ERC2: variants seen among roughly 807,000 people sequenced by gnomAD.
The protein encoded by ERC2 is ERC protein 2.
In ERC2, 42 loss-of-function variants were observed where a neutral mutation model predicts 114.8. That is an observed-to-expected ratio of 0.37 (90% CI 0.29 to 0.47). The LOEUF (loss-of-function observed/expected upper bound fraction) is 0.47. ERC2 is among the 20% of genes least tolerant of loss of function. The probability of loss-of-function intolerance (pLI) is 0.99; values close to 1 mark genes in which losing one functional copy is unlikely to be tolerated. For missense variants in ERC2, 939 were observed against 1,150.7 expected (o/e 0.82, Z 2.66); for synonymous variants, 454 against 425.5 (o/e 1.07, Z -0.82).
chr3:55,929,664 T>G (rs997356463), intron 13 of ERC2, among the ~76,000 whole-genome samples: 8 of 152,176 alleles, frequency 5.3e-5, no homozygotes, highest in Non-Finnish European at 1.0e-4. Flanking sequence ...CTGACTGTAA[T>G]CCCCAGTGTT....
chr3:55,975,236 G>C (rs939550799), intron 12 of ERC2, among the ~76,000 whole-genome samples: 1 of 151,896 alleles, frequency 6.6e-6, no homozygotes, highest in African/African-American at 2.4e-5. Context: ...CATAGGACCA[G>C]GGCTAACAGC....
At chr3:55,550,110 G>A (rs1258974479) in intron 17 of ERC2, among the ~76,000 whole-genome samples, 2 of 152,040 alleles carry the variant, frequency 1.3e-5, no homozygotes, top group Non-Finnish European at 2.9e-5. Context: ...CCTTCCCTGG[G>A]CTCATGCTCC....
chr3:56,207,494 C>A lies in ERC2; in HGVS notation c.1075-33974G>T, dbSNP rs116281596. Among the ~76,000 whole-genome samples, 393 of 152,132 alleles carry A rather than the reference C, an allele frequency of 2.6e-3. 1 individual carries two copies. The highest frequency in any genetic ancestry group is 0.018 in the South Asian group (87 of 4,816). On this transcript the variant is annotated intron_variant, in intron 3 of 17. Coordinates refer to ENST00000288221, the MANE Select transcript of ERC2 (RefSeq NM_015576.3). Reference sequence around the variant, plus strand: ...GCTTAGTTCTGCCTCTTTCATTTAGCATCATATATTGAGATATTTCCCATT... The same window carrying A: ...GCTTAGTTCTGCCTCTTTCATTTAGAATCATATATTGAGATATTTCCCATT...
intron 2 of ERC2, among the ~76,000 whole-genome samples, chr3:56,327,003 A>G (rs951123938): frequency 5.9e-5 from 9 of 152,196 alleles, no homozygotes; most frequent in Non-Finnish European, 1.3e-4. Flanking sequence ...ATGTTCCATG[A>G]TGCCTGCCTG....
chr3:55,812,122 T>C (rs1375318658), intron 14 of ERC2, among the ~76,000 whole-genome samples: 2 of 152,236 alleles, frequency 1.3e-5, no homozygotes, highest in Admixed American at 1.3e-4. Flanking sequence ...TTTGGTTTTC[T>C]GTTTCTGAGT....
chr3:55,598,237 A>C (rs2058241610), intron 17 of ERC2, among the ~76,000 whole-genome samples: 1 of 152,258 alleles, frequency 6.6e-6, no homozygotes, highest in South Asian at 2.1e-4. Flanking sequence ...TAATAACTGC[A>C]TGTCTGCATA....
At chr3:56,219,169 A>T (rs1274457365) in intron 3 of ERC2, among the ~76,000 whole-genome samples, 1 of 152,154 alleles carries the variant, frequency 6.6e-6, no homozygotes, top group Admixed American at 6.5e-5. Flanking sequence ...AAGACTACAC[A>T]TTGGGTACCG....
At chr3:56,462,969 C>T (rs1336853316) in intron 1 of ERC2, among the ~76,000 whole-genome samples, 1 of 152,088 alleles carries the variant, frequency 6.6e-6, no homozygotes, top group Non-Finnish European at 1.5e-5. Context: ...GCTCACACCT[C>T]TAATCCCAGC....
intron 11 of ERC2, among the ~76,000 whole-genome samples, chr3:55,986,381 C>T (rs2070635970): frequency 6.6e-6 from 1 of 152,198 alleles, no homozygotes; most frequent in South Asian, 2.1e-4. Flanking sequence ...GAAATGGAAA[C>T]TACTAAGGTA....
chr3:56,152,114 A>C (rs774025597), intron 4 of ERC2, among the ~76,000 whole-genome samples: 3 of 152,176 alleles, frequency 2.0e-5, no homozygotes, highest in Non-Finnish European at 2.9e-5. Context: ...CTTTTCCCAA[A>C]GTTCACAGAA....
intron 2 of ERC2, among the ~76,000 whole-genome samples, chr3:56,327,427 C>T (rs924608747): frequency 1.3e-5 from 2 of 152,124 alleles, no homozygotes; most frequent in African/African-American, 2.4e-5. Context: ...TCCCTTGATA[C>T]GTGGGGATTA....
intron 2 of ERC2, among the ~76,000 whole-genome samples, chr3:56,311,819 A>ATGTGTG (rs10536094): frequency 5.3e-3 from 759 of 142,940 alleles, no homozygotes; most frequent in East Asian, 0.011. Context: ...ATACATATAA[A>ATGTGTG]TGTGTGTGTG....
Position 55,529,673 on chromosome 3 carries a change from C to A in ERC2, c.*40-18397G>T, listed in dbSNP as rs374824542. Among the ~76,000 whole-genome samples the A allele has an allele frequency of 6.6e-5, 10 of 152,280 alleles. No individual in the cohort carries two copies. In the South Asian group the frequency reaches 2.1e-3, roughly 32 times the overall value. On this transcript the variant is annotated intron_variant, in intron 17 of 17. Transcript: ENST00000288221. ...GCAAAGGAGTGACAGGTGCAATTTA[C>A]GTGAATAATCACCATAATCAGCCAC...
chr3:55,904,046 G>C (rs1576118259), intron 13 of ERC2, among the ~76,000 whole-genome samples: 1 of 152,174 alleles, frequency 6.6e-6, no homozygotes, highest in Non-Finnish European at 1.5e-5. Context: ...CCATAATCCT[G>C]TTTCGTGTTT....
intron 3 of ERC2, among the ~76,000 whole-genome samples, chr3:56,273,711 C>T (rs1322445275): frequency 6.6e-6 from 1 of 152,140 alleles, no homozygotes; most frequent in Non-Finnish European, 1.5e-5. Flanking sequence ...GATAGCAGGG[C>T]TGCCACTAGC....
intron 2 of ERC2, among the ~76,000 whole-genome samples, chr3:56,426,997 A>T (rs1015296413): frequency 5.5e-5 from 6 of 108,648 alleles, no homozygotes; most frequent in African/African-American, 3.0e-4. Context: ...CCTCATCTCT[A>T]AAAAAAAAAA....
chr3:55,888,448 C>A lies in ERC2; in HGVS notation c.2505G>T (p.Ala835=), dbSNP rs375928296. Reference sequence around the variant, plus strand: ...TCTCAATCCGGAGGTTGGCCAAGTGCGCTTCTTTTTCGGCCAGGGACTGTT... The same window carrying A: ...TCTCAATCCGGAGGTTGGCCAAGTGAGCTTCTTTTTCGGCCAGGGACTGTT... ...STQQSLAEKE[A]HLANLRIERR... The change falls in exon 14 of 18, where the codon GCG becomes GCT. Residue 835 remains alanine (A), a synonymous_variant. Coordinates refer to ENST00000288221, the MANE Select transcript of ERC2 (RefSeq NM_015576.3). The A allele has an allele frequency of 1.9e-6, 3 of 1,613,836 alleles. No individual in the cohort carries two copies. Among genetic ancestry groups the A allele is most frequent in the Non-Finnish European group, 2.5e-6 (3 of 1,179,846 alleles).
intron 7 of ERC2, among the ~76,000 whole-genome samples, chr3:56,033,080 G>GAAAGAAAGAAAGAAAGAAAGAA (rs1438673324): frequency 3.2e-5 from 4 of 125,746 alleles, no homozygotes; most frequent in African/African-American, 1.1e-4. Flanking sequence ...AAGAAAGAAA[G>GAAAGAAAGAAAGAAAGAAAGAA]AAAGAAAAGT....
In ERC2 at chr3:56,036,727, G is replaced by A. The variant is rs75620653; in HGVS notation, c.1642-17696C>T. The stretch of plus-strand genomic sequence containing the variant: ...AGTGAGTAATTGTGCTACCCTGCTC[G>A]GGAAACCACGCTTTTTCTATGAACC... On this transcript the variant is annotated intron_variant, in intron 7 of 17. Transcript: ENST00000288221. 1.6e-3 allele frequency among the ~76,000 whole-genome samples: 236 copies of A among 152,224 alleles called. 1 individual carries two copies. The highest frequency in any genetic ancestry group is 2.7e-3 in the Admixed American group (42 of 15,288).
Sources: allele counts gnomAD v4.1 joint callset (sites outside exome capture counted in the v4.1 genomes callset), GRCh38; gene constraint gnomAD v4.1.1; transcripts MANE v1.5; gene names NCBI Gene and HGNC (gene_info 2026-07-23, HGNC 2026-07-21).